Variants in PPP2R2B observed in about 807,000 individuals in gnomAD.
PPP2R2B encodes serine/threonine-protein phosphatase 2A 55 kDa regulatory subunit B beta isoform.
A neutral mutation model predicts 46.0 loss-of-function variants in PPP2R2B; 5 were observed. The observed-to-expected ratio is 0.11, with a 90% CI of 0.06 to 0.23. The LOEUF (loss-of-function observed/expected upper bound fraction) is 0.23, where lower values mean the gene tolerates loss of function less well. Among genes scored for constraint, PPP2R2B ranks in the 10% least tolerant of loss-of-function variants. The pLI is 1.00. For missense variants in PPP2R2B, 367 were observed against 575.0 expected, an observed-to-expected ratio of 0.64 and a Z score of 3.70; for synonymous variants, 215 against 206.7, an observed-to-expected ratio of 1.04 and a Z score of -0.34.
At chr5:146,825,439 AC>A (rs1232354676) in intron 2 of PPP2R2B, among the ~76,000 whole-genome samples, 11 of 152,138 alleles carry the variant, frequency 7.2e-5, no homozygotes, top group Non-Finnish European at 1.2e-4. Flanking sequence ...ATCTCTTTTT[AC>A]TCTTTTACCC....
At chr5:146,632,987 A>G (rs1774541217) in intron 7 of PPP2R2B, among the ~76,000 whole-genome samples, 1 of 152,112 alleles carries the variant, frequency 6.6e-6, no homozygotes, top group African/African-American at 2.4e-5. Context: ...GGTGTCCATT[A>G]CACCTGGCCA....
intron 5 of PPP2R2B, among the ~76,000 whole-genome samples, chr5:146,658,171 T>C (rs932511266): frequency 1.3e-5 from 2 of 152,254 alleles, no homozygotes; most frequent in Non-Finnish European, 2.9e-5. Flanking sequence ...GTCCTGGGTG[T>C]CCACCTCATC....
chr5:146,598,854 C>G (rs769970791), intron 8 of PPP2R2B, among the ~76,000 whole-genome samples: 1 of 152,132 alleles, frequency 6.6e-6, no homozygotes, highest in African/African-American at 2.4e-5. Context: ...TTCTCCTCCC[C>G]AGCACAACCA....
intron 2 of PPP2R2B, chr5:146,706,568 CA>C (rs1171265791): frequency 1.1e-6 from 1 of 931,420 alleles, no homozygotes; most frequent in African/African-American, 1.6e-5. Context: ...CCAGCTCGGA[CA>C]GCTTAGCGTT....
At chr5:146,954,436 C>T (rs1751778619) in intron 1 of PPP2R2B, among the ~76,000 whole-genome samples, 1 of 152,124 alleles carries the variant, frequency 6.6e-6, no homozygotes, top group South Asian at 2.1e-4. Flanking sequence ...TGAATGTTCT[C>T]ACTCATAAGT....
At chr5:147,046,015 C>T (rs1174629637) in intron 1 of PPP2R2B, among the ~76,000 whole-genome samples, 1 of 152,152 alleles carries the variant, frequency 6.6e-6, no homozygotes, top group African/African-American at 2.4e-5. Flanking sequence ...GTCCTAATGT[C>T]ATATCCTCTC....
chr5:146,700,642 A>T (rs940741190), intron 3 of PPP2R2B, among the ~76,000 whole-genome samples: 1 of 152,150 alleles, frequency 6.6e-6, no homozygotes, highest in Admixed American at 6.5e-5. Context: ...TCCTCTTCAC[A>T]TCTGTTGGCA....
intron 1 of PPP2R2B, among the ~76,000 whole-genome samples, chr5:147,020,500 G>A (rs1342758536): frequency 6.6e-6 from 1 of 151,892 alleles, no homozygotes; most frequent in Non-Finnish European, 1.5e-5. Context: ...AAAGATTTGG[G>A]GGTTGCATTA....
chr5:147,067,499 C>A (rs1757449587), intron 2 of PPP2R2B, among the ~76,000 whole-genome samples: 1 of 152,110 alleles, frequency 6.6e-6, no homozygotes, highest in Non-Finnish European at 1.5e-5. Flanking sequence ...CTTTCTTTTT[C>A]CAGGCCAAGT....
intron 2 of PPP2R2B, among the ~76,000 whole-genome samples, chr5:146,874,209 T>A (rs191151147): frequency 1.1e-4 from 16 of 152,314 alleles, no homozygotes; most frequent in Non-Finnish European, 1.8e-4. Context: ...TCATACTATC[T>A]CCTTTGCTAG....
chr5:146,649,076 T>A (rs183690741), intron 6 of PPP2R2B, among the ~76,000 whole-genome samples: 35 of 152,302 alleles, frequency 2.3e-4, no homozygotes, highest in African/African-American at 7.0e-4. Flanking sequence ...CCAGATGAGA[T>A]TATTGCAGTC....
In PPP2R2B at chr5:146,834,645, T is replaced by C. The variant is rs953713977; in HGVS notation, c.70+43357A>G. On this transcript the variant is annotated intron_variant, in intron 2 of 9. Coordinates refer to ENST00000394411, the MANE Select transcript of PPP2R2B (RefSeq NM_181675.4). ...CCTTGGATTGTGTTTTGTTGTTTTT[T>C]TCTTTAAGTTTAGGTTCTGGGAGTA... 4.6e-5 allele frequency among the ~76,000 whole-genome samples: 7 copies of C among 152,304 alleles called. No individual in the cohort carries two copies. In the East Asian group the frequency reaches 7.7e-4, roughly 17 times the overall value.
intron 7 of PPP2R2B, chr5:146,616,838 C>T (rs1191953256): frequency 2.0e-5 from 3 of 152,148 alleles, no homozygotes; most frequent in Admixed American, 1.3e-4. Context: ...AAAAATTGAG[C>T]TACTATATGA....
intron 1 of PPP2R2B, among the ~76,000 whole-genome samples, chr5:146,988,027 C>T (rs939458525): frequency 2.0e-5 from 3 of 151,802 alleles, no homozygotes; most frequent in African/African-American, 7.2e-5. Flanking sequence ...AGACAAAATG[C>T]TACTATGTAT....
At chr5:146,816,057 T>C (rs183825272) in intron 2 of PPP2R2B, among the ~76,000 whole-genome samples, 1 of 152,252 alleles carries the variant, frequency 6.6e-6, no homozygotes, top group East Asian at 1.9e-4. Flanking sequence ...AAACCTCCAC[T>C]ATCTTGACCA....
chr5:146,673,925 C>T (rs1363777287), intron 5 of PPP2R2B, among the ~76,000 whole-genome samples: 1 of 152,158 alleles, frequency 6.6e-6, no homozygotes, highest in Admixed American at 6.5e-5. Flanking sequence ...TTTCTTCCAG[C>T]AAGGGATAGA....
intron 5 of PPP2R2B, among the ~76,000 whole-genome samples, chr5:146,658,610 T>G (rs1231829701): frequency 1.3e-5 from 2 of 152,196 alleles, no homozygotes; most frequent in Non-Finnish European, 2.9e-5. Context: ...GGAAATTCAT[T>G]TCTTCGTTCC....
chr5:147,071,034 G>T (rs1458462321), intron 2 of PPP2R2B, among the ~76,000 whole-genome samples: 1 of 151,980 alleles, frequency 6.6e-6, no homozygotes, highest in Non-Finnish European at 1.5e-5. Context: ...CTGTGGCAAA[G>T]GGGACATCAA....
Position 146,897,368 on chromosome 5 carries a change from TC to T in PPP2R2B, c.79+158296del, listed in dbSNP as rs556024628. On this transcript the variant is annotated intron_variant, in intron 1 of 8. Coordinates refer to the PPP2R2B transcript ENST00000336640. The stretch of plus-strand genomic sequence containing the variant: ...CTGGGTGGATACAATAAAAAGTTCT[TC>T]CTTTTGAAAGAAAACTAAAATGGTC... 1.6e-3 allele frequency among the ~76,000 whole-genome samples: 237 copies of T among 152,318 alleles called. 3 individuals are homozygous for T. The highest frequency in any genetic ancestry group is 5.1e-3 in the African/African-American group (211 of 41,558).
Sources: allele counts gnomAD v4.1 joint callset (sites outside exome capture counted in the v4.1 genomes callset), GRCh38; gene constraint gnomAD v4.1.1; transcripts MANE v1.5; gene names NCBI Gene and HGNC (gene_info 2026-07-23, HGNC 2026-07-21).